Variants in ATRNL1 observed in about 807,000 individuals in gnomAD.
ATRNL1 encodes the protein attractin-like protein 1.
In ATRNL1, 95 loss-of-function variants were observed where a neutral mutation model predicts 182.7. The observed-to-expected ratio is 0.52, with a 90% CI of 0.44 to 0.62. The LOEUF (loss-of-function observed/expected upper bound fraction) is 0.62. Ranked by LOEUF, ATRNL1 falls within the 20% of genes least tolerant of loss-of-function variation. The pLI, the probability that ATRNL1 is intolerant of heterozygous loss-of-function variation, is 0.00. For missense variants in ATRNL1, 1,471 were observed against 1,679.5 expected (o/e 0.88, Z 2.17); for synonymous variants, 576 against 568.3 (o/e 1.01, Z -0.19).
intron 27 of ATRNL1, among the ~76,000 whole-genome samples, chr10:115,739,337 G>A (rs1948072838): frequency 6.6e-6 from 1 of 152,256 alleles, no homozygotes; most frequent in East Asian, 1.9e-4. Context: ...TGTAAAGTAA[G>A]ACTATAATAT....
chr10:115,893,024 T>G (rs1202453249), intron 28 of ATRNL1, among the ~76,000 whole-genome samples: 1 of 152,186 alleles, frequency 6.6e-6, no homozygotes, highest in Non-Finnish European at 1.5e-5. Flanking sequence ...AGGAGAGAAT[T>G]TCCATAAACA....
At chr10:115,836,291 G>A (rs571217154) in intron 27 of ATRNL1, among the ~76,000 whole-genome samples, 37 of 152,220 alleles carry the variant, frequency 2.4e-4, no homozygotes, top group African/African-American at 7.5e-4. Flanking sequence ...GCCAGTTACC[G>A]TATTATACTT....
intron 20 of ATRNL1, among the ~76,000 whole-genome samples, chr10:115,403,255 A>ATTTT (rs1844658301): frequency 3.8e-5 from 3 of 78,346 alleles, no homozygotes; most frequent in South Asian, 3.6e-4. Flanking sequence ...AATTACTCTC[A>ATTTT]TCTTTTTTTT....
chr10:115,807,240 C>T (rs1398139094), intron 27 of ATRNL1, among the ~76,000 whole-genome samples: 2 of 151,924 alleles, frequency 1.3e-5, no homozygotes, highest in African/African-American at 2.4e-5. Flanking sequence ...CTCAGCCTCC[C>T]GAGTAGCTGG....
Position 115,460,231 on chromosome 10 carries a change from C to CAAATTGTA in ATRNL1, c.3323-1710_3323-1709insAAATTGTA, listed in dbSNP as rs1847727359. ...TTCAATCCTATGTAATTTCTGATAA[C>CAAATTGTA]TTACAAATTGTTATCTACTACGCAT... On this transcript the variant is annotated intron_variant, in intron 21 of 28. Transcript: ENST00000355044. Among the ~76,000 whole-genome samples, 7 of 152,076 alleles carry CAAATTGTA rather than the reference C, an allele frequency of 4.6e-5. No individual in the cohort carries two copies. In the South Asian group the frequency reaches 1.4e-3, roughly 31 times the overall value.
chr10:115,940,456 G>T (rs934089874), intron 28 of ATRNL1, among the ~76,000 whole-genome samples: 2 of 152,172 alleles, frequency 1.3e-5, no homozygotes, highest in African/African-American at 4.8e-5. Context: ...TCCTGAGCAC[G>T]TTGCCACAAG....
At chr10:115,490,596 A>G (rs782682937) in intron 24 of ATRNL1, among the ~76,000 whole-genome samples, 2 of 151,984 alleles carry the variant, frequency 1.3e-5, no homozygotes, top group Non-Finnish European at 2.9e-5. Flanking sequence ...TTTTCTCTAA[A>G]TTGGTTATTC....
chr10:115,553,374 G>T (rs532258492), intron 26 of ATRNL1, among the ~76,000 whole-genome samples: 1 of 151,284 alleles, frequency 6.6e-6, no homozygotes, highest in Non-Finnish European at 1.5e-5. Flanking sequence ...TACATTTCAT[G>T]TGATAGCAAT....
intron 28 of ATRNL1, among the ~76,000 whole-genome samples, chr10:115,876,198 T>C (rs140840339): frequency 0.011 from 1,603 of 152,330 alleles, 26 homozygotes; most frequent in African/African-American, 0.037. Context: ...GTCAGATGAA[T>C]GTGGACCACT....
intron 26 of ATRNL1, among the ~76,000 whole-genome samples, chr10:115,705,248 T>C (rs1168938292): frequency 6.6e-6 from 1 of 151,968 alleles, no homozygotes; most frequent in Non-Finnish European, 1.5e-5. Flanking sequence ...AAATACTGTC[T>C]GTATGCTTCT....
At chr10:115,448,419 G>T (rs1847113798) in intron 21 of ATRNL1, among the ~76,000 whole-genome samples, 1 of 152,160 alleles carries the variant, frequency 6.6e-6, no homozygotes, top group Non-Finnish European at 1.5e-5. Flanking sequence ...GCTCTGGAAT[G>T]ACTTTTGGAT....
At chr10:115,629,879 A>G (rs199570657) in intron 26 of ATRNL1, among the ~76,000 whole-genome samples, 1 of 152,146 alleles carries the variant, frequency 6.6e-6, no homozygotes, top group East Asian at 1.9e-4. Flanking sequence ...AGAAGATGGT[A>G]TTTGAGTTGA....
chr10:115,680,497 A>G (rs1946012064), intron 26 of ATRNL1, among the ~76,000 whole-genome samples: 1 of 152,162 alleles, frequency 6.6e-6, no homozygotes, highest in South Asian at 2.1e-4. Flanking sequence ...AGGGGATCAT[A>G]TGAAATATTT....
intron 21 of ATRNL1, among the ~76,000 whole-genome samples, chr10:115,427,626 G>A (rs1419626713): frequency 6.6e-6 from 1 of 152,050 alleles, no homozygotes; most frequent in Non-Finnish European, 1.5e-5. Context: ...ATGGATTGAA[G>A]TTCTTTTTTT....
In ATRNL1 at chr10:115,727,304, A is replaced by G; in HGVS notation, c.3852A>G (p.Val1284=). The change falls in exon 27 of 29, where the codon GTA becomes GTG. Residue 1284 remains valine (V), a synonymous_variant. Coordinates refer to ENST00000355044, the MANE Select transcript of ATRNL1 (RefSeq NM_207303.4). ...GCCGTCCCTTTGCTTCTGTTGATGT[A>G]GCTCTGGAAGTGGGAGCTGAACAAA... is the stretch of plus-strand genomic sequence containing the variant. The part of the protein sequence containing the change: ...MASRPFASVD[V]ALEVGAEQTE... 2 of 1,614,154 alleles carry G rather than the reference A, an allele frequency of 1.2e-6. No homozygotes were observed. Among genetic ancestry groups the G allele is most frequent in the Middle Eastern group, 1.6e-4 (1 of 6,062 alleles).
At chr10:115,311,539 T>G (rs1854026063) in intron 17 of ATRNL1, among the ~76,000 whole-genome samples, 1 of 152,108 alleles carries the variant, frequency 6.6e-6, no homozygotes, top group Non-Finnish European at 1.5e-5. Flanking sequence ...TGTCATATGG[T>G]CTATCTTGGA....
chr10:115,120,815 A>C (rs929756585), intron 2 of ATRNL1, among the ~76,000 whole-genome samples: 8 of 152,124 alleles, frequency 5.3e-5, no homozygotes, highest in Non-Finnish European at 1.0e-4. Context: ...TTTTGTATTT[A>C]AATTTTTCTA....
chr10:115,118,346 A>G (rs1554870599), intron 1 of ATRNL1, among the ~76,000 whole-genome samples: 1 of 152,056 alleles, frequency 6.6e-6, no homozygotes, highest in East Asian at 1.9e-4. Flanking sequence ...ACCTGTTATT[A>G]TGCTAGACAT....
chr10:115,207,587 GA>G (rs1238249352), intron 8 of ATRNL1, among the ~76,000 whole-genome samples: 2 of 149,950 alleles, frequency 1.3e-5, no homozygotes, highest in East Asian at 2.0e-4. Flanking sequence ...TTTCATTTTT[GA>G]AAAAAAATTT....
Sources: gnomAD v4.1 joint callset for allele counts (sites outside exome capture counted in the v4.1 genomes callset) on GRCh38, gnomAD v4.1.1 for gene constraint, MANE v1.5 for transcripts, NCBI Gene and HGNC (gene_info 2026-07-23, HGNC 2026-07-21) for gene names.